Variants in CACNA1C observed in about 807,000 individuals in gnomAD.
CACNA1C encodes voltage-dependent L-type calcium channel subunit alpha-1C.
A neutral mutation model predicts 229.0 loss-of-function variants in CACNA1C; 30 were observed. The ratio of observed to expected loss-of-function variants is 0.13; its 90% CI spans 0.10 to 0.18. The LOEUF is 0.18. Ranked by LOEUF, CACNA1C falls within the 10% of genes least tolerant of loss-of-function variation. CACNA1C has a pLI of 1.00. For missense variants in CACNA1C, 1,658 were observed against 2,845.0 expected (o/e 0.58, Z 9.49); for synonymous variants, 1,114 against 1,132.5 (o/e 0.98, Z 0.33).
At chr12:2,580,113 G>A (rs889246356) in intron 13 of CACNA1C, among the ~76,000 whole-genome samples, 2 of 152,194 alleles carry the variant, frequency 1.3e-5, no homozygotes, top group African/African-American at 2.4e-5. Flanking sequence ...ACAAAACCCT[G>A]CAATCTTCTG....
chr12:2,375,089 T>C (rs73035458), intron 3 of CACNA1C, among the ~76,000 whole-genome samples: 439 of 152,344 alleles, frequency 2.9e-3, no homozygotes, highest in Non-Finnish European at 4.9e-3. Context: ...GATTAGTGAT[T>C]CTTTCAAGGT....
intron 1 of CACNA1C, chr12:2,004,270 G>A (rs548653719): frequency 3.7e-6 from 6 of 1,612,816 alleles, no homozygotes; most frequent in Middle Eastern, 3.3e-4. Context: ...GCTCCGCCGC[G>A]TCCGCACGCA....
chr12:2,585,275 T>C lies in CACNA1C; in HGVS notation c.2340-101T>C. On this transcript the variant is annotated intron_variant, in intron 16 of 46. Transcript: ENST00000399655. The surrounding 1 kb of genome is among the most constrained non-coding windows in gnomAD (Gnocchi z 4.1). ...GATGGACTCAGACCCAGGGGATCTG[T>C]CCCCTCTGGCCCCAACAGGCCACAG... The C allele has an allele frequency of 8.6e-7, 1 of 1,168,744 alleles. No individual in the cohort carries two copies. The highest frequency in any genetic ancestry group is 1.2e-6 in the Non-Finnish European group (1 of 848,730). The allele number at this position is 1,168,744 out of a possible 1,614,324, so 72.4% of individuals were successfully genotyped here. A position where few individuals can be genotyped will look rare whatever the true frequency, so the allele number is the denominator to read the frequency against.
In CACNA1C at chr12:2,611,968, C is replaced by T; in HGVS notation, c.3783C>T (p.Leu1261=). 2 of 1,613,680 alleles carry T rather than the reference C, an allele frequency of 1.2e-6. No homozygotes were observed. Among genetic ancestry groups the T allele is most frequent in the Non-Finnish European group, 1.7e-6 (2 of 1,179,612 alleles). ...MNILNMLFTG[L]FTVEMILKLI... is the part of the protein sequence containing the mutation. The stretch of plus-strand genomic sequence containing the variant: ...TCCTCAACATGCTCTTCACTGGCCT[C>T]TTCACCGTGGAGATGATCCTGAAGC... The change falls in exon 29 of 47, where the codon CTC becomes CTT. Residue 1261 remains leucine (L), a synonymous_variant. Transcript: ENST00000399655.
In CACNA1C at chr12:2,681,900, G is replaced by A. The variant is rs539036060; in HGVS notation, c.5445-650G>A. On this transcript the variant is annotated intron_variant, in intron 42 of 46. Coordinates refer to ENST00000399655, the MANE Select transcript of CACNA1C (RefSeq NM_000719.7). Reference sequence around the variant, plus strand: ...ACTGAGCTGAGCTCAGACAGGAAAAGGAAGAGGCCTTGGTCCAGAGCTAAA... The same window carrying A: ...ACTGAGCTGAGCTCAGACAGGAAAAAGAAGAGGCCTTGGTCCAGAGCTAAA... The A allele has an allele frequency of 4.8e-6, 5 of 1,032,462 alleles. No homozygotes were observed. In the African/African-American group the frequency reaches 7.7e-5, roughly 16 times the overall value. 64.0% of individuals were successfully genotyped at this position (1,032,462 alleles called of 1,614,324 possible).
intron 3 of CACNA1C, among the ~76,000 whole-genome samples, chr12:2,350,660 A>T (rs968131102): frequency 1.3e-5 from 2 of 152,176 alleles, no homozygotes; most frequent in South Asian, 4.1e-4. Context: ...TCACCCCCTC[A>T]TATGGGCAGC....
At chr12:2,012,911 C>T (rs372154996) in intron 1 of CACNA1C, among the ~76,000 whole-genome samples, 11 of 152,308 alleles carry the variant, frequency 7.2e-5, no homozygotes, top group African/African-American at 2.6e-4. Flanking sequence ...ATTTAAATCA[C>T]TGTTATTTTT....
At chr12:2,574,560 C>G (rs538817291) in intron 13 of CACNA1C, among the ~76,000 whole-genome samples, 24 of 152,308 alleles carry the variant, frequency 1.6e-4, no homozygotes, top group African/African-American at 5.3e-4. Context: ...GGGGCTGATT[C>G]AGCACAGACA....
chr12:2,101,486 G>A (rs561844487), intron 1 of CACNA1C, among the ~76,000 whole-genome samples: 30 of 152,026 alleles, frequency 2.0e-4, no homozygotes, highest in African/African-American at 5.8e-4. Flanking sequence ...CTCCATCGTC[G>A]TCCTCACCGT....
In CACNA1C at chr12:2,654,430, C is replaced by T. The variant is rs182063071; in HGVS notation, c.4140+530C>T. 1.9e-3 allele frequency among the ~76,000 whole-genome samples: 285 copies of T among 152,332 alleles called. 1 individual carries two copies. The highest frequency in any genetic ancestry group is 2.7e-3 in the Non-Finnish European group (184 of 68,032). ...AGCAGTTTTCTGGGGCCTCCCCTCC[C>T]AGGTGCCCACTGCACCATTCACCGC... On this transcript the variant is annotated intron_variant, in intron 33 of 46. Coordinates refer to ENST00000399655, the MANE Select transcript of CACNA1C (RefSeq NM_000719.7). The surrounding 1 kb of genome is among the most constrained non-coding windows in gnomAD (Gnocchi z 4.4).
intron 8 of CACNA1C, among the ~76,000 whole-genome samples, chr12:2,508,059 G>A (rs2099775691): frequency 6.6e-6 from 1 of 152,256 alleles, no homozygotes; most frequent in Non-Finnish European, 1.5e-5. Context: ...CCAGAGGCCT[G>A]CAGCAGGGCT....
chr12:1,988,693 G>A (rs1489297322), intron 1 of CACNA1C, among the ~76,000 whole-genome samples: 4 of 152,052 alleles, frequency 2.6e-5, no homozygotes, highest in South Asian at 2.1e-4. Flanking sequence ...CTCTGCCATC[G>A]TTTACCCAAA....
chr12:2,598,649 C>T (rs2070010464), intron 21 of CACNA1C, among the ~76,000 whole-genome samples: 2 of 152,208 alleles, frequency 1.3e-5, no homozygotes, highest in Non-Finnish European at 2.9e-5. Flanking sequence ...AAGTCCACAC[C>T]TAACCGATGC....
intron 3 of CACNA1C, among the ~76,000 whole-genome samples, chr12:2,157,403 G>A (rs2095607849): frequency 6.6e-6 from 1 of 152,222 alleles, no homozygotes; most frequent in Admixed American, 6.5e-5. Flanking sequence ...GATAAAGCAA[G>A]AGGTCTGCAT....
In CACNA1C at chr12:2,602,076, G is replaced by T. The variant is rs2072667842; in HGVS notation, c.2960+116G>T. ...GGCCACCGCAGTGTGATGAGAGTGGGGTGGGGCCTCCAAAGCTGTGCATGG... is the reference window on the plus strand; with the variant it reads ...GGCCACCGCAGTGTGATGAGAGTGGTGTGGGGCCTCCAAAGCTGTGCATGG... On this transcript the variant is annotated intron_variant, in intron 22 of 46. Transcript: ENST00000399655. This position sits in a 1 kb window ranked among gnomAD's most constrained non-coding sequence, Gnocchi z 4.4. The T allele has an allele frequency of 2.8e-6, 2 of 704,616 alleles. No homozygotes were observed. Among genetic ancestry groups the T allele is most frequent in the South Asian group, 1.6e-5 (1 of 61,556 alleles). 43.6% of individuals were successfully genotyped at this position (704,616 alleles called of 1,614,324 possible). A position where few individuals can be genotyped will look rare whatever the true frequency, so the allele number is the denominator to read the frequency against.
intron 3 of CACNA1C, among the ~76,000 whole-genome samples, chr12:2,143,735 T>C (rs1462141108): frequency 6.6e-6 from 1 of 151,104 alleles, no homozygotes; most frequent in East Asian, 1.9e-4. Context: ...TACAAGACTA[T>C]AATTAGGGGT....
chr12:2,230,139 G>T (rs1487424483), intron 3 of CACNA1C, among the ~76,000 whole-genome samples: 1 of 152,130 alleles, frequency 6.6e-6, no homozygotes, highest in East Asian at 1.9e-4. Context: ...CTGTGCTCAG[G>T]ATGTCCCCTC....
chr12:2,261,816 G>A (rs1484175938), intron 3 of CACNA1C, among the ~76,000 whole-genome samples: 1 of 152,238 alleles, frequency 6.6e-6, no homozygotes, highest in African/African-American at 2.4e-5. Context: ...TCTGGCTGGG[G>A]GGAGCCCTGA....
At position 2,228,439 on chromosome 12, in the gene CACNA1C, G is replaced by A. The variant is rs146222910; in HGVS notation, c.477+108009G>A. On this transcript the variant is annotated intron_variant, in intron 3 of 46. Transcript: ENST00000399655. Reference sequence around the variant, plus strand: ...CAAATGTCCTGATCTGAATCTCTCTGTCCTTCTGCTTCTCTCCAAGCCTGA... The same window carrying A: ...CAAATGTCCTGATCTGAATCTCTCTATCCTTCTGCTTCTCTCCAAGCCTGA... 4.6e-5 allele frequency among the ~76,000 whole-genome samples: 7 copies of A among 152,284 alleles called. No homozygotes were observed. In the East Asian group the frequency reaches 1.4e-3, roughly 29 times the overall value.
Sources: allele counts gnomAD v4.1 joint callset (sites outside exome capture counted in the v4.1 genomes callset), GRCh38; gene constraint gnomAD v4.1.1; non-coding constraint Gnocchi (gnomAD v3.1); transcripts MANE v1.5; gene names NCBI Gene and HGNC (gene_info 2026-07-23, HGNC 2026-07-21).